Variants in TMEM65 observed in about 807,000 individuals in gnomAD.
The protein encoded by TMEM65 is transmembrane protein 65.
A neutral mutation model predicts 25.4 loss-of-function variants in TMEM65; 22 were observed. That is an observed-to-expected ratio of 0.86 (90% CI 0.62 to 1.23). The LOEUF is 1.23. TMEM65 is among the 50% of genes most tolerant of loss of function. The pLI, the probability that TMEM65 is intolerant of heterozygous loss-of-function variation, is 0.00. For missense variants in TMEM65, 262 were observed against 308.2 expected, an observed-to-expected ratio of 0.85 and a Z score of 1.12; for synonymous variants, 132 against 126.2, an observed-to-expected ratio of 1.05 and a Z score of -0.31.
At chr8:124,318,336 T>A (rs1355531359) in intron 6 of TMEM65, among the ~76,000 whole-genome samples, 1 of 150,396 alleles carries the variant, frequency 6.6e-6, no homozygotes, top group Non-Finnish European at 1.5e-5. Context: ...AACAAATATA[T>A]GTTGTTTTAA....
chr8:124,365,707 T>A lies in TMEM65; in HGVS notation c.304+6147A>T, dbSNP rs1814929324. On this transcript the variant is annotated intron_variant, in intron 1 of 6. Coordinates refer to ENST00000297632, the MANE Select transcript of TMEM65 (RefSeq NM_194291.3). Reference sequence around the variant, plus strand: ...TATAATAGGGAGGCAAAAAGGTCAATGAGGGAGCAGAGATTTTAGTGATGT... The same window carrying A: ...TATAATAGGGAGGCAAAAAGGTCAAAGAGGGAGCAGAGATTTTAGTGATGT... 1.3e-5 allele frequency among the ~76,000 whole-genome samples: 2 copies of A among 152,220 alleles called. 1 individual carries two copies. The highest frequency in any genetic ancestry group is 4.1e-4 in the South Asian group (2 of 4,830).
intron 1 of TMEM65, chr8:124,351,035 T>C (rs1365665959): frequency 6.1e-6 from 6 of 985,092 alleles, no homozygotes; most frequent in African/African-American, 1.7e-5. Flanking sequence ...GACTGTACTA[T>C]ACCAAAGCTA....
chr8:124,320,054 A>C, intron 6 of TMEM65, 32 bp downstream of exon 6: 6 of 1,554,126 alleles, frequency 3.9e-6, no homozygotes, highest in Non-Finnish European at 5.3e-6. Context: ...TGGCTACCCA[A>C]CTCATTATCA....
intron 4 of TMEM65, among the ~76,000 whole-genome samples, chr8:124,322,499 AAT>A (rs1378170830): frequency 1.3e-5 from 2 of 152,124 alleles, no homozygotes; most frequent in East Asian, 1.9e-4. Flanking sequence ...CAAGGAGAAA[AAT>A]ATGTTTCTTT....
At chr8:124,366,713 G>C (rs181015156) in intron 1 of TMEM65, among the ~76,000 whole-genome samples, 43 of 106,938 alleles carry the variant, frequency 4.0e-4, no homozygotes, top group Non-Finnish European at 7.2e-4. Context: ...CTTTCATAAT[G>C]GAAAAAAAAA....
chr8:124,350,138 G>A (rs2131218861), intron 1 of TMEM65, among the ~76,000 whole-genome samples: 1 of 151,748 alleles, frequency 6.6e-6, no homozygotes, highest in African/African-American at 2.4e-5. Context: ...GTGTGTGTGT[G>A]TGTGTGTGTG....
At chr8:124,319,889 A>T (rs1814283839) in intron 6 of TMEM65, among the ~76,000 whole-genome samples, 197 bp downstream of exon 6, 4 of 152,200 alleles carry the variant, frequency 2.6e-5, no homozygotes, top group Admixed American at 2.6e-4. Context: ...TATTTTTTAA[A>T]AATTAAGTAT....
intron 1 of TMEM65, among the ~76,000 whole-genome samples, chr8:124,363,484 T>C (rs1814897652): frequency 6.6e-6 from 1 of 152,128 alleles, no homozygotes; most frequent in Admixed American, 6.6e-5. Flanking sequence ...TGCTTAATTC[T>C]GATGCATTTT....
rs917880522 is a variant in TMEM65, at chr8:124,312,519, CAAAT to C, written c.*1437_*1440del. The C allele has an allele frequency of 1.4e-5, 2 of 146,512 alleles. No individual in the cohort carries two copies. Among genetic ancestry groups the C allele is most frequent in the African/African-American group, 5.0e-5 (2 of 40,046 alleles). The allele number at this position is 146,512 out of a possible 1,614,324, so 9.1% of individuals were successfully genotyped here. The stretch of plus-strand genomic sequence containing the variant: ...AAACCTCTGCATCTATTTAGCAACA[CAAAT>C]AACTTCAAAAGCCAAAATACTATTT... On this transcript the variant is annotated 3_prime_UTR_variant, in exon 7 of 7. Coordinates refer to ENST00000297632, the MANE Select transcript of TMEM65 (RefSeq NM_194291.3).
intron 1 of TMEM65, among the ~76,000 whole-genome samples, chr8:124,353,260 T>A (rs1186444053): frequency 2.0e-5 from 3 of 151,948 alleles, no homozygotes; most frequent in African/African-American, 7.3e-5. Context: ...TGGGCAGTAG[T>A]GGTGATGGGA....
intron 2 of TMEM65, among the ~76,000 whole-genome samples, chr8:124,329,855 G>A (rs1035412540): frequency 2.0e-5 from 3 of 151,832 alleles, no homozygotes; most frequent in Admixed American, 1.3e-4. Flanking sequence ...ACTATAGATT[G>A]TATGAATCTA....
At chr8:124,327,114 G>T (rs2131201114) in intron 3 of TMEM65, among the ~76,000 whole-genome samples, 1 of 151,976 alleles carries the variant, frequency 6.6e-6, no homozygotes, top group East Asian at 1.9e-4. Context: ...GGCCTTTAAT[G>T]TTCTGTCTGA....
chr8:124,317,870 G>A (rs1243456961), intron 6 of TMEM65, among the ~76,000 whole-genome samples: 1 of 152,136 alleles, frequency 6.6e-6, no homozygotes, highest in Non-Finnish European at 1.5e-5. Flanking sequence ...AGGGCCACAT[G>A]GCAAAGAACT....
intron 1 of TMEM65, among the ~76,000 whole-genome samples, chr8:124,347,566 T>C (rs1164306731): frequency 6.6e-6 from 1 of 152,084 alleles, no homozygotes; most frequent in Non-Finnish European, 1.5e-5. Flanking sequence ...ACAAACTACT[T>C]GTACCCCTAA....
intron 1 of TMEM65, 121 bp downstream of exon 1, chr8:124,371,733 G>C: frequency 2.0e-6 from 2 of 989,130 alleles, no homozygotes; most frequent in East Asian, 6.7e-5. Context: ...ACAGGCGAGG[G>C]GGGCGGAAGG....
At chr8:124,351,646 G>A (rs1193390077) in intron 1 of TMEM65, among the ~76,000 whole-genome samples, 2 of 152,004 alleles carry the variant, frequency 1.3e-5, no homozygotes, top group African/African-American at 2.4e-5. Flanking sequence ...CATTTTCAAC[G>A]TCATGAAATA....
chr8:124,369,088 A>G (rs925518100), intron 1 of TMEM65, among the ~76,000 whole-genome samples: 1 of 152,250 alleles, frequency 6.6e-6, no homozygotes, highest in Non-Finnish European at 1.5e-5. Context: ...TGCCAGTACT[A>G]CTTGTAAAAA....
chr8:124,369,578 G>A (rs1168011344), intron 1 of TMEM65, among the ~76,000 whole-genome samples: 4 of 152,078 alleles, frequency 2.6e-5, no homozygotes, highest in African/African-American at 7.2e-5. Flanking sequence ...ACAATACATC[G>A]GTTGAGTACT....
chr8:124,345,710 G>C (rs907633107), intron 1 of TMEM65, among the ~76,000 whole-genome samples: 1 of 151,682 alleles, frequency 6.6e-6, no homozygotes, highest in African/African-American at 2.4e-5. Context: ...CTGAGACTGG[G>C]TAATTTATAA....
Sources: gnomAD v4.1 joint callset for allele counts (sites outside exome capture counted in the v4.1 genomes callset) on GRCh38, gnomAD v4.1.1 for gene constraint, MANE v1.5 for transcripts, NCBI Gene and HGNC (gene_info 2026-07-23, HGNC 2026-07-21) for gene names.